Variants in DCC observed in about 807,000 individuals in gnomAD.
DCC encodes the protein netrin receptor DCC.
In DCC, 58 loss-of-function variants were observed where a neutral mutation model predicts 172.5. The observed-to-expected ratio is 0.34, with a 90% CI of 0.27 to 0.42. The LOEUF is 0.42. DCC is among the 10% of genes least tolerant of loss of function. DCC has a pLI of 1.00. For synonymous variants in DCC, 709 were observed against 644.5 expected, an observed-to-expected ratio of 1.10 and a Z score of -1.52; for missense variants, 1,740 against 1,791.0, an observed-to-expected ratio of 0.97 and a Z score of 0.51.
intron 2 of DCC, among the ~76,000 whole-genome samples, chr18:52,824,081 T>C (rs1471720312): frequency 1.3e-5 from 2 of 152,236 alleles, no homozygotes; most frequent in Non-Finnish European, 2.9e-5. Flanking sequence ...GGCCAGTTGG[T>C]ATCTTTCCAT....
At chr18:52,610,035 T>A (rs1243265603) in intron 1 of DCC, among the ~76,000 whole-genome samples, 1 of 149,224 alleles carries the variant, frequency 6.7e-6, no homozygotes, top group South Asian at 2.1e-4. Flanking sequence ...CATCTAAGAC[T>A]GGGCGCGGTG....
chr18:52,702,979 AG>A lies in DCC; in HGVS notation c.92-49073del, dbSNP rs150492693. On this transcript the variant is annotated intron_variant, in intron 1 of 28. Coordinates refer to ENST00000442544, the MANE Select transcript of DCC (RefSeq NM_005215.4). ...TCTGCCTATTTTGTAGTGAAAATCAAGGTTCTGAGTGTAAATACTTTACCTA... is the reference window on the plus strand; with the variant it reads ...TCTGCCTATTTTGTAGTGAAAATCAAGTTCTGAGTGTAAATACTTTACCTA... Among the ~76,000 whole-genome samples, 1,243 of 152,294 alleles carry A rather than the reference AG, an allele frequency of 8.2e-3. 13 individuals are homozygous for A. Among genetic ancestry groups the A allele is most frequent in the Middle Eastern group, 0.051 (15 of 294 alleles).
chr18:52,883,741 A>G (rs1186227847), intron 2 of DCC, among the ~76,000 whole-genome samples: 1 of 152,042 alleles, frequency 6.6e-6, no homozygotes, highest in Non-Finnish European at 1.5e-5. Flanking sequence ...TAGTTTATAG[A>G]TTACAATTAC....
At chr18:52,900,456 T>A (rs142333943) in intron 2 of DCC, among the ~76,000 whole-genome samples, 2 of 152,336 alleles carry the variant, frequency 1.3e-5, no homozygotes, top group East Asian at 3.9e-4. Context: ...TATCTCTTGC[T>A]AATAGCACCC....
rs180765620 is a variant in DCC, at chr18:52,365,484, G to A, written c.91+24606G>A. 7.5e-4 allele frequency among the ~76,000 whole-genome samples: 114 copies of A among 151,950 alleles called. 1 individual carries two copies. The highest frequency in any genetic ancestry group is 2.6e-3 in the African/African-American group (106 of 41,362). Reference sequence around the variant, plus strand: ...CCCTTTTTCTCTATCTTAACATATAGAACAATGGGAATCTTGGGAGTACTA... The same window carrying A: ...CCCTTTTTCTCTATCTTAACATATAAAACAATGGGAATCTTGGGAGTACTA... On this transcript the variant is annotated intron_variant, in intron 1 of 28. Coordinates refer to ENST00000442544, the MANE Select transcript of DCC (RefSeq NM_005215.4).
At chr18:53,496,767 C>A (rs1043649634) in intron 26 of DCC, among the ~76,000 whole-genome samples, 1 of 152,150 alleles carries the variant, frequency 6.6e-6, no homozygotes, top group African/African-American at 2.4e-5. Flanking sequence ...CTAGAATAAC[C>A]AGTTTAGAGA....
intron 27 of DCC, among the ~76,000 whole-genome samples, chr18:53,513,191 A>ATTTCATATCCAGCCAAACTAAG (rs1483570928): frequency 1.3e-5 from 2 of 152,176 alleles, no homozygotes; most frequent in Admixed American, 1.3e-4. Context: ...TCAACCCAGA[A>ATTTCATATCCAGCCAAACTAAG]TTTCATATCC....
At chr18:52,577,678 G>A (rs2033447573) in intron 1 of DCC, among the ~76,000 whole-genome samples, 1 of 152,076 alleles carries the variant, frequency 6.6e-6, no homozygotes, top group Admixed American at 6.6e-5. Context: ...GTAATTTAGA[G>A]CTTAGAGCAA....
chr18:53,497,355 G>A (rs533064407), intron 26 of DCC, among the ~76,000 whole-genome samples: 1 of 152,306 alleles, frequency 6.6e-6, no homozygotes, highest in African/African-American at 2.4e-5. Flanking sequence ...CCTAAGCAAT[G>A]CCTGCAATCT....
chr18:52,401,110 AAAT>A (rs930406660), intron 1 of DCC, among the ~76,000 whole-genome samples: 2 of 151,424 alleles, frequency 1.3e-5, no homozygotes, highest in Non-Finnish European at 2.9e-5. Context: ...TAATAATGAT[AAAT>A]AATAATAATA....
At chr18:53,188,135 T>C (rs1024062497) in intron 9 of DCC, among the ~76,000 whole-genome samples, 1 of 152,136 alleles carries the variant, frequency 6.6e-6, no homozygotes, top group Non-Finnish European at 1.5e-5. Flanking sequence ...AAACATAATT[T>C]TAAATCCATC....
intron 1 of DCC, among the ~76,000 whole-genome samples, chr18:52,629,061 G>A (rs566840532): frequency 6.6e-6 from 1 of 152,306 alleles, no homozygotes; most frequent in African/African-American, 2.4e-5. Flanking sequence ...TGAGACAGAG[G>A]AGATCTAGGG....
chr18:52,691,355 T>G (rs1470986727), intron 1 of DCC, among the ~76,000 whole-genome samples: 1 of 152,076 alleles, frequency 6.6e-6, no homozygotes, highest in Admixed American at 6.6e-5. Flanking sequence ...TTTCCTAGGG[T>G]AGCAAAATAC....
chr18:52,465,305 T>C (rs529954416), intron 1 of DCC, among the ~76,000 whole-genome samples: 1 of 152,272 alleles, frequency 6.6e-6, no homozygotes, highest in Non-Finnish European at 1.5e-5. Context: ...TTACCAAAGA[T>C]TGGGGAACTG....
Position 52,739,091 on chromosome 18 carries a change from T to C in DCC, c.92-12963T>C, listed in dbSNP as rs118022962. On this transcript the variant is annotated intron_variant, in intron 1 of 28. Transcript: ENST00000442544. ...CATCACCACAGACACGTGAGTAATA[T>C]GTTGCGCTACTACATTACAATGGCT... is the stretch of plus-strand genomic sequence containing the variant. 1.3e-4 allele frequency among the ~76,000 whole-genome samples: 20 copies of C among 151,988 alleles called. No homozygotes were observed. The East Asian group carries it at 3.9e-3, about 30-fold the overall frequency.
intron 7 of DCC, among the ~76,000 whole-genome samples, chr18:53,099,935 C>CTTTTTTTTTTTTTT (rs1476054809): frequency 8.5e-6 from 1 of 117,110 alleles, no homozygotes; most frequent in African/African-American, 3.8e-5. Flanking sequence ...CTTTTCTTTT[C>CTTTTTTTTTTTTTT]TTTCTTTCTT....
At chr18:52,734,793 A>G (rs1382307468) in intron 1 of DCC, among the ~76,000 whole-genome samples, 1 of 152,192 alleles carries the variant, frequency 6.6e-6, no homozygotes, top group Admixed American at 6.6e-5. Flanking sequence ...AGTTACCATT[A>G]TCTATTATGT....
intron 7 of DCC, among the ~76,000 whole-genome samples, chr18:53,073,056 C>T (rs552579697): frequency 6.6e-6 from 1 of 152,298 alleles, no homozygotes; most frequent in East Asian, 1.9e-4. Context: ...GATCTTCCTT[C>T]ATCTAAGATA....
rs577176996 is a variant in DCC at position 52,526,831 on chromosome 18, A to G, written c.91+185953A>G. ...ATGGTCAGACTTATTTCATAGATCC[A>G]TCTATTTTGGTGATCTGGAAGTAGG... is the stretch of plus-strand genomic sequence containing the variant. On this transcript the variant is annotated intron_variant, in intron 1 of 28. Transcript: ENST00000442544. 1.3e-4 allele frequency among the ~76,000 whole-genome samples: 20 copies of G among 152,288 alleles called. No homozygotes were observed. The South Asian group carries it at 4.1e-3, about 32-fold the overall frequency.
Sources: gnomAD v4.1 joint callset for allele counts (sites outside exome capture counted in the v4.1 genomes callset) on GRCh38, gnomAD v4.1.1 for gene constraint, MANE v1.5 for transcripts, NCBI Gene and HGNC (gene_info 2026-07-23, HGNC 2026-07-21) for gene names.